PNLDC1: variants seen among roughly 807,000 people sequenced by gnomAD.
PNLDC1 encodes poly(A)-specific ribonuclease PNLDC1.
PNLDC1 carries 70 observed loss-of-function variants against 82.0 expected under a neutral mutation model. The observed-to-expected ratio is 0.85, with a 90% CI of 0.70 to 1.04. PNLDC1 has a LOEUF of 1.04. Ranked by LOEUF, PNLDC1 falls within the 50% of genes least tolerant of loss-of-function variation. The pLI, the probability that PNLDC1 is intolerant of heterozygous loss-of-function variation, is 0.00. For missense variants in PNLDC1, 631 were observed against 661.1 expected, an observed-to-expected ratio of 0.95 and a Z score of 0.50; for synonymous variants, 280 against 249.3, an observed-to-expected ratio of 1.12 and a Z score of -1.16.
intron 15 of PNLDC1, 113 bp from the exon 16 acceptor site, chr6:159,818,442 G>C: frequency 1.1e-6 from 1 of 915,258 alleles, no homozygotes; most frequent in South Asian, 1.4e-5. Flanking sequence ...AGGAGGGAGG[G>C]AGAGCCGTCC....
intron 16 of PNLDC1, 47 bp downstream of exon 16, chr6:159,818,701 G>C (rs370813825): frequency 6.4e-7 from 1 of 1,561,094 alleles, no homozygotes; most frequent in Admixed American, 1.7e-5. Flanking sequence ...GAGTTCAGAG[G>C]CTTTGCTGGG....
chr6:159,819,406 G>A lies in PNLDC1; in HGVS notation c.1532+54G>A, dbSNP rs1470792751. On this transcript the variant is annotated intron_variant, in intron 18 of 18. Coordinates refer to ENST00000392167, the MANE Select transcript of PNLDC1 (RefSeq NM_001271862.2). This position sits in a 1 kb window ranked among gnomAD's most constrained non-coding sequence, Gnocchi z 4.6. Reference sequence around the variant, plus strand: ...GTCCTGGGGTCCTGGAGTGCCCGGGGTCCCAGCATCCCAGCATGGTCTGAC... The same window carrying A: ...GTCCTGGGGTCCTGGAGTGCCCGGGATCCCAGCATCCCAGCATGGTCTGAC... The A allele has an allele frequency of 2.7e-6, 4 of 1,493,924 alleles. No individual in the cohort carries two copies. The highest frequency in any genetic ancestry group is 2.8e-5 in the African/African-American group (2 of 72,332). The allele number at this position is 1,493,924 out of a possible 1,614,324, so 92.5% of individuals were successfully genotyped here. A position where few individuals can be genotyped will look rare whatever the true frequency, so the allele number is the denominator to read the frequency against.
At chr6:159,800,629 C>T (rs1334427942) in intron 1 of PNLDC1, 143 bp from the exon 2 acceptor site, 10 of 1,595,836 alleles carry the variant, frequency 6.3e-6, no homozygotes, top group South Asian at 1.1e-5. Context: ...TGCCTTGGTT[C>T]CTCCATTTTC....
At chr6:159,800,449 G>A in intron 1 of PNLDC1, 66 bp downstream of exon 1, 2 of 1,500,568 alleles carry the variant, frequency 1.3e-6, no homozygotes, top group South Asian at 2.5e-5. Context: ...CTTGAGGAGG[G>A]GGTGGCGGGA....
rs970159473 is a variant in PNLDC1 at position 159,809,111 on chromosome 6, G to A, written c.736G>A (p.Ala246Thr). 1.9e-6 allele frequency: 3 copies of A among 1,614,114 alleles called. No homozygotes were observed. The highest frequency in any genetic ancestry group is 1.7e-5 in the Admixed American group (1 of 59,976). ...TTGGAAGGAAAATATTCTTCTCTCA[G>A]CAAGGGGTTTTTCTGTCTTTTTCCA... ...SCWKENILLS[A>T]RGFSVFFQML... Residue 246 changes from alanine (A) to threonine (T), a missense_variant, in exon 9 of 19, where the codon GCA becomes ACA. Coordinates refer to ENST00000392167, the MANE Select transcript of PNLDC1 (RefSeq NM_001271862.2).
At position 159,820,434 on chromosome 6, in the gene PNLDC1, C is replaced by G; in HGVS notation, c.1533-20C>G. The G allele has an allele frequency of 6.2e-7, 1 of 1,613,852 alleles. No individual in the cohort carries two copies. The highest frequency in any genetic ancestry group is 8.5e-7 in the Non-Finnish European group (1 of 1,179,926). ...GCCTGCTGGGTGCCCCGGCCACTGA[C>G]ACGTGTCATTGTCTTGCAGAGTCTG... On this transcript the variant is annotated intron_variant, in intron 18 of 18. Coordinates refer to ENST00000392167, the MANE Select transcript of PNLDC1 (RefSeq NM_001271862.2).
chr6:159,803,732 G>A (rs1198851366), intron 4 of PNLDC1, among the ~76,000 whole-genome samples: 1 of 152,132 alleles, frequency 6.6e-6, no homozygotes, highest in Non-Finnish European at 1.5e-5. Context: ...TGGCATCCCT[G>A]GGCAGCTTGT....
chr6:159,809,068 T>G lies in PNLDC1; in HGVS notation c.693T>G (p.Ser231=). 2 of 1,614,104 alleles carry G rather than the reference T, an allele frequency of 1.2e-6. No individual in the cohort carries two copies. The highest frequency in any genetic ancestry group is 1.7e-6 in the Non-Finnish European group (2 of 1,180,010). The change falls in exon 9 of 19, where the codon TCT becomes TCG. Residue 231 remains serine (S), a synonymous_variant. Transcript: ENST00000392167. ...KQHRWYLQNT[S]CDRESCWKEN... ...ATCGTTGGTATCTTCAGAACACCTC[T>G]TGTGACCGAGAGAGCTGTTGGAAGG...
In PNLDC1 at chr6:159,816,556, C is replaced by T; in HGVS notation, c.1074C>T (p.Cys358=). The change falls in exon 14 of 19, where the codon TGC becomes TGT. Residue 358 remains cysteine (C), a synonymous_variant. Transcript: ENST00000392167. ...SRCEKYVETK[C]PHEAAYDAFL... is the part of the protein sequence containing the mutation. ...AAAATGCCTCAGTTGAGACAAAGTG[C>T]CCCCACGAAGCCGCGTATGATGCCT... The T allele has an allele frequency of 4.3e-6, 7 of 1,613,584 alleles. No homozygotes were observed. Among genetic ancestry groups the T allele is most frequent in the Non-Finnish European group, 5.9e-6 (7 of 1,179,802 alleles).
chr6:159,809,585 C>T (rs1044084466), intron 9 of PNLDC1, among the ~76,000 whole-genome samples: 1 of 151,918 alleles, frequency 6.6e-6, no homozygotes, highest in African/African-American at 2.4e-5. Context: ...TGAGCCACTG[C>T]ACCTGGCCTT....
At chr6:159,816,662 C>CAGAAAA in intron 14 of PNLDC1, 66 bp downstream of exon 14, 2 of 1,371,932 alleles carry the variant, frequency 1.5e-6, no homozygotes, top group Non-Finnish European at 2.1e-6. Flanking sequence ...GACAGGGTCT[C>CAGAAAA]ACTCTGTTGC....
Position 159,819,140 on chromosome 6 carries a change from G to T in PNLDC1, c.1433+19G>T. On this transcript the variant is annotated intron_variant, in intron 17 of 18. Transcript: ENST00000392167. The surrounding 1 kb of genome is among the most constrained non-coding windows in gnomAD (Gnocchi z 4.6). ...TTAAGGAGTAGGTGCCTCTAAGTCC[G>T]CGTCCCCCACCCCTCGTGCGTTCAT... 1 of 1,612,556 alleles carries T rather than the reference G, an allele frequency of 6.2e-7. No individual in the cohort carries two copies.
rs114353975 is a variant in PNLDC1, at chr6:159,807,870, C to T, written c.563-870C>T. Among the ~76,000 whole-genome samples, 1,182 of 151,802 alleles carry T rather than the reference C, an allele frequency of 7.8e-3. 12 individuals are homozygous for T. The highest frequency in any genetic ancestry group is 0.026 in the African/African-American group (1,082 of 41,402). ...AAGTCATTTGATAAGGCTAGTAATT[C>T]TGTTCCCTTTTCCACCTACACATCT... On this transcript the variant is annotated intron_variant, in intron 7 of 18. Transcript: ENST00000392167.
rs749902461 is a variant in PNLDC1, at chr6:159,800,663, TTGAGCGCAGAGG to T, written c.77-101_77-90del. The T allele has an allele frequency of 7.6e-6, 12 of 1,584,850 alleles. No homozygotes were observed. The African/African-American group carries it at 1.5e-4, about 20-fold the overall frequency. ...TCCCTTCCTGACCTCACTTGGCTTC[TTGAGCGCAGAGG>T]TGAGCGCGGGTGCCTTGGCCGCCTG... On this transcript the variant is annotated intron_variant, in intron 1 of 18. Transcript: ENST00000392167.
chr6:159,816,074 A>G, intron 13 of PNLDC1, 41 bp downstream of exon 13: 1 of 1,388,294 alleles, frequency 7.2e-7, no homozygotes, highest in Non-Finnish European at 9.6e-7. Flanking sequence ...CAGTCGGCAG[A>G]GTGCTGAGGT....
chr6:159,807,329 C>T (rs1781484472), intron 7 of PNLDC1, among the ~76,000 whole-genome samples: 1 of 151,516 alleles, frequency 6.6e-6, no homozygotes, highest in East Asian at 1.9e-4. Flanking sequence ...TTTGGGAGGC[C>T]AAGGCAATGA....
intron 15 of PNLDC1, among the ~76,000 whole-genome samples, chr6:159,818,132 G>A (rs1250814601): frequency 6.6e-6 from 1 of 152,384 alleles, no homozygotes; most frequent in Non-Finnish European, 1.5e-5. Flanking sequence ...GCGCTCAGGT[G>A]TGTGTGCTCC....
chr6:159,808,785 C>T lies in PNLDC1; in HGVS notation c.608C>T (p.Pro203Leu). The change falls in exon 8 of 19, where the codon CCC becomes CTC. Residue 203 changes from proline (P) to leucine (L), a missense_variant. Coordinates refer to ENST00000392167, the MANE Select transcript of PNLDC1 (RefSeq NM_001271862.2). ...CAACTGGTGCTGAGGCAGGCCCTCC[C>T]CAACATCTGGACGGTGCTGAAAGAT... is the stretch of plus-strand genomic sequence containing the variant. ...EVQLVLRQALPNIWTVLKDEG... is the reference protein window; with the variant it reads ...EVQLVLRQALLNIWTVLKDEG... 1 of 1,614,092 alleles carries T rather than the reference C, an allele frequency of 6.2e-7. No homozygotes were observed. Among genetic ancestry groups the T allele is most frequent in the Non-Finnish European group, 8.5e-7 (1 of 1,180,002 alleles).
rs1399506468 is a variant in PNLDC1, at chr6:159,819,455, G to A, written c.1532+103G>A. ...ACTCGAGCACAGCTCACTTGCTGGT[G>A]TGTGTTGCCAAGGGGGTTGTGTTGA... is the stretch of plus-strand genomic sequence containing the variant. On this transcript the variant is annotated intron_variant, in intron 18 of 18. Transcript: ENST00000392167. The surrounding 1 kb of genome is among the most constrained non-coding windows in gnomAD (Gnocchi z 4.6). 1 of 1,015,866 alleles carries A rather than the reference G, an allele frequency of 9.8e-7. No homozygotes were observed. Among genetic ancestry groups the A allele is most frequent in the Non-Finnish European group, 1.4e-6 (1 of 691,838 alleles). The allele number at this position is 1,015,866 out of a possible 1,614,324, so 62.9% of individuals were successfully genotyped here.
Sources: gnomAD v4.1 joint callset for allele counts (sites outside exome capture counted in the v4.1 genomes callset) on GRCh38, gnomAD v4.1.1 for gene constraint, Gnocchi (gnomAD v3.1) non-coding constraint, MANE v1.5 for transcripts, NCBI Gene and HGNC (gene_info 2026-07-23, HGNC 2026-07-21) for gene names.